The following PPP2CA variants were observed in gnomAD, a reference collection of about 807,000 sequenced individuals.
PPP2CA encodes the protein serine/threonine-protein phosphatase 2A catalytic subunit alpha isoform.
A neutral mutation model predicts 38.8 loss-of-function variants in PPP2CA; 5 were observed. That is an observed-to-expected ratio of 0.13 (90% CI 0.07 to 0.27). The LOEUF (loss-of-function observed/expected upper bound fraction) is 0.27. Ranked by LOEUF, PPP2CA falls within the 10% of genes least tolerant of loss-of-function variation. PPP2CA has a pLI of 1.00. For missense variants in PPP2CA, 88 were observed against 389.7 expected (o/e 0.23, Z 6.52); for synonymous variants, 152 against 134.0 (o/e 1.13, Z -0.93).
At chr5:134,199,226 A>T in intron 5 of PPP2CA, 22 bp from the exon 6 acceptor site, 1 of 1,556,654 alleles carries the variant, frequency 6.4e-7, no homozygotes, top group Non-Finnish European at 8.9e-7. Context: ...AGGAGACAAA[A>T]ATCTTACTTT....
chr5:134,205,143 G>C (rs1762051464), intron 2 of PPP2CA, among the ~76,000 whole-genome samples: 1 of 151,702 alleles, frequency 6.6e-6, no homozygotes, highest in African/African-American at 2.4e-5. Context: ...ATGTTGCCCA[G>C]GCTGGTCACA....
intron 1 of PPP2CA, among the ~76,000 whole-genome samples, chr5:134,218,673 T>C (rs1174946966): frequency 2.0e-5 from 3 of 151,234 alleles, no homozygotes; most frequent in Non-Finnish European, 3.0e-5. Context: ...TTCTTTCTTT[T>C]TTTTTTTTTT....
At chr5:134,216,435 G>A (rs1762321798) in intron 1 of PPP2CA, among the ~76,000 whole-genome samples, 1 of 150,618 alleles carries the variant, frequency 6.6e-6, no homozygotes, top group Non-Finnish European at 1.5e-5. Flanking sequence ...AGCTACTCAG[G>A]AGGCTGAAGC....
In PPP2CA at chr5:134,205,761, G is replaced by A. The variant is rs60618745; in HGVS notation, c.312+161C>T. 4.1e-3 allele frequency: 2,478 copies of A among 600,090 alleles called. 42 individuals are homozygous for A. The highest frequency in any genetic ancestry group is 0.039 in the African/African-American group (2,078 of 53,870). The allele number at this position is 600,090 out of a possible 1,614,324, so 37.2% of individuals were successfully genotyped here. ...TCTGTACCATCCCCTTACTCAGAAC[G>A]CAGACGCCTATGATTTTTAAGTCCA... On this transcript the variant is annotated intron_variant, in intron 2 of 6. Transcript: ENST00000481195.
chr5:134,208,449 A>G (rs1052619558), intron 1 of PPP2CA, among the ~76,000 whole-genome samples: 4 of 152,242 alleles, frequency 2.6e-5, no homozygotes, highest in Admixed American at 6.5e-5. Flanking sequence ...CTTGTAAAAA[A>G]TTTCGGCACA....
chr5:134,197,506 G>GT lies in PPP2CA; in HGVS notation c.*265dup. ...CTGCAGTCTCTCAGAGAAAGCAAAA[G>GT]TAACTACAAATAGCGCTATGCCAGA... On this transcript the variant is annotated 3_prime_UTR_variant, in exon 7 of 7. Transcript: ENST00000481195. The GT allele has an allele frequency of 2.2e-6, 1 of 447,332 alleles. No homozygotes were observed. Among genetic ancestry groups the GT allele is most frequent in the Non-Finnish European group, 4.1e-6 (1 of 245,898 alleles). The allele number at this position is 447,332 out of a possible 1,614,324, so 27.7% of individuals were successfully genotyped here. A position where few individuals can be genotyped will look rare whatever the true frequency, so the allele number is the denominator to read the frequency against.
At position 134,196,648 on chromosome 5, in the gene PPP2CA, A is replaced by G. The variant is rs1761857787; in HGVS notation, c.*1124T>C. The G allele has an allele frequency of 6.6e-6, 1 of 152,212 alleles. No homozygotes were observed. Among genetic ancestry groups the G allele is most frequent in the Non-Finnish European group, 1.5e-5 (1 of 68,044 alleles). 9.4% of individuals were successfully genotyped at this position (152,212 alleles called of 1,614,324 possible). On this transcript the variant is annotated 3_prime_UTR_variant, in exon 7 of 7. Transcript: ENST00000481195. ...AATTTGCCAATCTGTCAATCATTTTAAAGAGTCCATATAATATACACATAG... is the reference window on the plus strand; with the variant it reads ...AATTTGCCAATCTGTCAATCATTTTGAAGAGTCCATATAATATACACATAG...
chr5:134,215,773 T>C (rs1308562148), intron 1 of PPP2CA, among the ~76,000 whole-genome samples: 1 of 152,148 alleles, frequency 6.6e-6, no homozygotes, highest in African/African-American at 2.4e-5. Flanking sequence ...CAATGTTTAA[T>C]GTATACAGTA....
chr5:134,215,985 A>G (rs1344169816), intron 1 of PPP2CA, among the ~76,000 whole-genome samples: 1 of 152,190 alleles, frequency 6.6e-6, no homozygotes, highest in Non-Finnish European at 1.5e-5. Context: ...TGGACAACAG[A>G]GTACTCTTGC....
At chr5:134,222,460 T>C (rs1762466172) in intron 1 of PPP2CA, among the ~76,000 whole-genome samples, 2 of 152,174 alleles carry the variant, frequency 1.3e-5, no homozygotes, top group African/African-American at 4.8e-5. Context: ...AAAACTAACA[T>C]TTTAATGACT....
At chr5:134,220,889 G>A (rs1762426520) in intron 1 of PPP2CA, among the ~76,000 whole-genome samples, 1 of 152,160 alleles carries the variant, frequency 6.6e-6, no homozygotes, top group African/African-American at 2.4e-5. Flanking sequence ...CTTCAACTTA[G>A]CCTTACAGCC....
intron 2 of PPP2CA, 65 bp downstream of exon 2, chr5:134,205,857 A>AAAATAACTGGGGGG (rs1762072872): frequency 8.1e-7 from 1 of 1,239,076 alleles, no homozygotes; most frequent in African/African-American, 1.5e-5. Flanking sequence ...TAACTGGGGG[A>AAAATAACTGGGGGG]AAAAAAACTT....
chr5:134,225,620 C>T, intron 1 of PPP2CA, 140 bp downstream of exon 1: 1 of 659,618 alleles, frequency 1.5e-6, no homozygotes, highest in Non-Finnish European at 2.3e-6. Flanking sequence ...GAAGCCGCCG[C>T]CGGCCAGGAT....
chr5:134,225,701 G>C lies in PPP2CA; in HGVS notation c.102+59C>G, dbSNP rs1580655882. ...GCCATGTTGCACCCTCCTCACGGCC[G>C]CCTTTTCCTCGGCGGGCTCGGCCCC... On this transcript the variant is annotated intron_variant, in intron 1 of 6. Transcript: ENST00000481195. 3 of 1,525,150 alleles carry C rather than the reference G, an allele frequency of 2.0e-6. No homozygotes were observed. In the East Asian group the frequency reaches 7.2e-5, roughly 37 times the overall value. The allele number at this position is 1,525,150 out of a possible 1,614,324, so 94.5% of individuals were successfully genotyped here.
rs766638178 is a variant in PPP2CA at position 134,225,999 on chromosome 5, C to G, written c.-138G>C. 1.4e-6 allele frequency: 1 copy of G among 709,608 alleles called. No homozygotes were observed. Among genetic ancestry groups the G allele is most frequent in the Non-Finnish European group, 2.3e-6 (1 of 439,686 alleles). 44.0% of individuals were successfully genotyped at this position (709,608 alleles called of 1,614,324 possible). On this transcript the variant is annotated 5_prime_UTR_variant, in exon 1 of 7. Transcript: ENST00000481195. ...TGAGGCTGGCGCTGGCCCGCTGGCT[C>G]TCACCGCAGTACTCGGCCGTCGGCC...
At chr5:134,201,826 A>C in intron 3 of PPP2CA, 22 bp downstream of exon 3, 1 of 1,605,494 alleles carries the variant, frequency 6.2e-7, no homozygotes, top group South Asian at 1.1e-5. Flanking sequence ...AATAATCAGC[A>C]ATGAGTTTTA....
intron 2 of PPP2CA, among the ~76,000 whole-genome samples, chr5:134,204,484 C>T (rs1432324013): frequency 6.6e-6 from 1 of 152,120 alleles, no homozygotes; most frequent in Admixed American, 6.5e-5. Context: ...TTTAAAGACA[C>T]AGGGGTCTTG....
Position 134,199,223 on chromosome 5 carries a change from A to C in PPP2CA, c.739-19T>G. The stretch of plus-strand genomic sequence containing the variant: ...TATATCCCTGCAAGGAAAAGGAGAC[A>C]AAAATCTTACTTTACTCCCTCAATT... On this transcript the variant is annotated intron_variant, in intron 5 of 6. Transcript: ENST00000481195. 1 of 1,570,084 alleles carries C rather than the reference A, an allele frequency of 6.4e-7. No homozygotes were observed. The highest frequency in any genetic ancestry group is 8.8e-7 in the Non-Finnish European group (1 of 1,140,650).
chr5:134,224,142 T>G (rs1451880612), intron 1 of PPP2CA: 1 of 346,976 alleles, frequency 2.9e-6, no homozygotes, highest in Non-Finnish European at 5.6e-6. Context: ...TTTCATATAA[T>G]GCACTGAATT....
Sources: gnomAD v4.1 joint callset for allele counts (sites outside exome capture counted in the v4.1 genomes callset) on GRCh38, gnomAD v4.1.1 for gene constraint, MANE v1.5 for transcripts, NCBI Gene and HGNC (gene_info 2026-07-23, HGNC 2026-07-21) for gene names.